The following GABRB3 variants were observed in gnomAD, a reference collection of about 807,000 sequenced individuals.
GABRB3 encodes gamma-aminobutyric acid receptor subunit beta-3.
GABRB3 carries 14 observed loss-of-function variants against 52.1 expected under a neutral mutation model. That is an observed-to-expected ratio of 0.27 (90% CI 0.18 to 0.42). The LOEUF (loss-of-function observed/expected upper bound fraction) is 0.42. Ranked by LOEUF, GABRB3 falls within the 10% of genes least tolerant of loss-of-function variation. The pLI is 1.00. For synonymous variants in GABRB3, 260 were observed against 232.3 expected (o/e 1.12, Z -1.08); for missense variants, 307 against 609.1 (o/e 0.50, Z 5.22).
At position 26,581,753 on chromosome 15, in the gene GABRB3, C is replaced by G. The variant is rs139382220; in HGVS notation, c.545-1297G>C. 3.3e-5 allele frequency among the ~76,000 whole-genome samples: 5 copies of G among 152,194 alleles called. No homozygotes were observed. In the South Asian group the frequency reaches 1.0e-3, roughly 32 times the overall value. ...GCTGAAATAAAACCTTTTGCAGAAG[C>G]CTTCCCTGGCATTCCATCTCACAGG... On this transcript the variant is annotated intron_variant, in intron 5 of 8. Coordinates refer to ENST00000311550, the MANE Select transcript of GABRB3 (RefSeq NM_000814.6).
chr15:26,565,059 G>A (rs912871535), intron 7 of GABRB3, among the ~76,000 whole-genome samples: 2 of 152,158 alleles, frequency 1.3e-5, no homozygotes, highest in African/African-American at 4.8e-5. Context: ...ACTTCGTACT[G>A]TGCTGTGAGT....
intron 3 of GABRB3, among the ~76,000 whole-genome samples, chr15:26,645,445 G>A (rs1290794823): frequency 1.3e-5 from 2 of 152,146 alleles, no homozygotes; most frequent in African/African-American, 2.4e-5. Context: ...ATGGTGATGG[G>A]TGCAGATGCA....
intron 7 of GABRB3, among the ~76,000 whole-genome samples, chr15:26,564,770 T>C (rs1890104114): frequency 6.6e-6 from 1 of 152,258 alleles, no homozygotes; most frequent in Admixed American, 6.5e-5. Context: ...TTAACAGTTA[T>C]GAGGGATTCC....
chr15:26,618,214 C>A (rs953389238), intron 4 of GABRB3, among the ~76,000 whole-genome samples: 3 of 152,068 alleles, frequency 2.0e-5, no homozygotes, highest in African/African-American at 7.3e-5. Flanking sequence ...CCAAGTCAAT[C>A]CTAAGCCAAA....
chr15:26,773,757 C>G (rs1315431620), upstream of GABRB3: 2 of 1,540,866 alleles, frequency 1.3e-6, no homozygotes, highest in East Asian at 2.4e-5. Context: ...CTGCTGGGAT[C>G]CGCTCTCCCC....
intron 3 of GABRB3, among the ~76,000 whole-genome samples, chr15:26,628,627 G>A (rs1263123113): frequency 6.6e-6 from 1 of 152,100 alleles, no homozygotes; most frequent in African/African-American, 2.4e-5. Context: ...TGGACATCTG[G>A]TCGAAGCAGC....
At chr15:26,773,140 G>C (rs1455660257), upstream of GABRB3, 2 of 465,678 alleles carry the variant, frequency 4.3e-6, no homozygotes, top group African/African-American at 2.1e-5. Context: ...AAGGAGGAGC[G>C]GGGAGGGAGG....
intron 3 of GABRB3, among the ~76,000 whole-genome samples, chr15:26,661,303 T>A (rs1291372199): frequency 6.6e-6 from 1 of 152,040 alleles, no homozygotes; most frequent in East Asian, 1.9e-4. Context: ...CATACACACA[T>A]GCATACAAAC....
intron 3 of GABRB3, among the ~76,000 whole-genome samples, chr15:26,682,833 C>T (rs1029998500): frequency 1.3e-5 from 2 of 152,240 alleles, no homozygotes; most frequent in Admixed American, 1.3e-4. Context: ...GCCATCACTA[C>T]CCTGCAAATA....
At chr15:26,605,533 T>C (rs1891756469) in intron 4 of GABRB3, among the ~76,000 whole-genome samples, 7 of 152,148 alleles carry the variant, frequency 4.6e-5, no homozygotes, top group Admixed American at 3.9e-4. Context: ...AACAGATGAA[T>C]GGATAAAGAA....
intron 8 of GABRB3, among the ~76,000 whole-genome samples, chr15:26,554,452 T>G (rs924775168): frequency 6.6e-6 from 1 of 151,928 alleles, no homozygotes; most frequent in Non-Finnish European, 1.5e-5. Flanking sequence ...GGAATGTCTT[T>G]TCTTAAAGGA....
At chr15:26,707,323 C>G (rs1889135457) in intron 3 of GABRB3, among the ~76,000 whole-genome samples, 1 of 152,130 alleles carries the variant, frequency 6.6e-6, no homozygotes, top group Non-Finnish European at 1.5e-5. Flanking sequence ...GGATGGAGAG[C>G]AAGACCAGCG....
intron 8 of GABRB3, among the ~76,000 whole-genome samples, chr15:26,554,037 T>TATAGATATATATATATATATATATA (rs59100810): frequency 0.012 from 680 of 58,462 alleles, 128 homozygotes; most frequent in Non-Finnish European, 0.018. Context: ...ATATATATAT[T>TATAGATATATATATATATATATATA]TATTTATTTA....
intron 4 of GABRB3, among the ~76,000 whole-genome samples, chr15:26,597,375 A>C (rs1002123863): frequency 1.4e-4 from 21 of 152,230 alleles, no homozygotes; most frequent in Non-Finnish European, 5.9e-5. Flanking sequence ...ACACATCTTG[A>C]AGGAAGATTG....
chr15:26,768,236 G>GGA (rs1310020507), intron 3 of GABRB3, among the ~76,000 whole-genome samples: 9 of 152,224 alleles, frequency 5.9e-5, no homozygotes, highest in South Asian at 4.1e-4. Context: ...TTAGGATTGA[G>GGA]TTAATTTTAA....
chr15:26,773,264 C>T (rs1891211159), upstream of GABRB3, among the ~76,000 whole-genome samples: 1 of 150,106 alleles, frequency 6.7e-6, no homozygotes, highest in Non-Finnish European at 1.5e-5. Flanking sequence ...GGGCCCTGGG[C>T]GCTCCCCTCC....
intron 3 of GABRB3, among the ~76,000 whole-genome samples, chr15:26,662,200 C>T (rs1425757852): frequency 1.3e-5 from 2 of 152,146 alleles, no homozygotes. Flanking sequence ...CATCTTTATC[C>T]ACATTTCATA....
In GABRB3 at chr15:26,713,190, T is replaced by C. The variant is rs141795758; in HGVS notation, c.240+59212A>G. On this transcript the variant is annotated intron_variant, in intron 3 of 8. Coordinates refer to ENST00000311550, the MANE Select transcript of GABRB3 (RefSeq NM_000814.6). ...GTGGCGCTCAGCTCCTGAGAGCGGC[T>C]GAGGCAGGGTGCGGCAGTGGGAAAG... Among the ~76,000 whole-genome samples the C allele has an allele frequency of 5.8e-3, 885 of 152,262 alleles. 18 individuals are homozygous for C. The highest frequency in any genetic ancestry group is 0.044 in the Admixed American group (672 of 15,290).
chr15:26,644,279 T>C (rs1418039367), intron 3 of GABRB3, among the ~76,000 whole-genome samples: 1 of 152,246 alleles, frequency 6.6e-6, no homozygotes. Context: ...GTTGGGGTTC[T>C]GAGCCCTGGT....
Sources: gnomAD v4.1 joint callset for allele counts (sites outside exome capture counted in the v4.1 genomes callset) on GRCh38, gnomAD v4.1.1 for gene constraint, MANE v1.5 for transcripts, NCBI Gene and HGNC (gene_info 2026-07-23, HGNC 2026-07-21) for gene names.